Variants in NUBPL observed in about 807,000 individuals in gnomAD.
NUBPL encodes the protein iron-sulfur cluster transfer protein NUBPL.
Under a neutral mutation model 45.7 loss-of-function variants are expected in NUBPL, and 31 were observed. The ratio of observed to expected loss-of-function variants is 0.68; its 90% CI spans 0.51 to 0.92. The LOEUF (loss-of-function observed/expected upper bound fraction) is 0.92. Among genes scored for constraint, NUBPL ranks in the 40% least tolerant of loss-of-function variants. NUBPL has a pLI of 0.00. For synonymous variants in NUBPL, 144 were observed against 140.9 expected (o/e 1.02, Z -0.15); for missense variants, 401 against 398.7 (o/e 1.01, Z -0.05).
intron 7 of NUBPL, among the ~76,000 whole-genome samples, chr14:31,812,016 G>C (rs1219757667): frequency 3.3e-5 from 5 of 152,158 alleles, no homozygotes; most frequent in Admixed American, 6.5e-5. Context: ...TGGAAGCTTC[G>C]TCTCAGAGGG....
chr14:31,646,096 T>C (rs2035844050), intron 4 of NUBPL, among the ~76,000 whole-genome samples: 1 of 152,156 alleles, frequency 6.6e-6, no homozygotes, highest in Non-Finnish European at 1.5e-5. Flanking sequence ...TCATTCTTTG[T>C]CTGGGAAAGA....
chr14:31,839,668 A>G (rs963387779), intron 8 of NUBPL, among the ~76,000 whole-genome samples: 14 of 152,248 alleles, frequency 9.2e-5, no homozygotes, highest in African/African-American at 3.4e-4. Context: ...GACTACTTAC[A>G]GAATGAGAGA....
intron 6 of NUBPL, among the ~76,000 whole-genome samples, chr14:31,729,286 C>CCA (rs1555332402): frequency 6.8e-6 from 1 of 146,376 alleles, no homozygotes; most frequent in African/African-American, 2.6e-5. Flanking sequence ...CCCCCCCCCC[C>CCA]CCAAAAAAAA....
intron 7 of NUBPL, among the ~76,000 whole-genome samples, chr14:31,823,614 T>C (rs943288115): frequency 1.3e-5 from 2 of 152,088 alleles, no homozygotes; most frequent in African/African-American, 4.8e-5. Flanking sequence ...AAGCTATTTA[T>C]AGTTAAGATG....
At chr14:31,782,672 C>T (rs753910295) in intron 6 of NUBPL, among the ~76,000 whole-genome samples, 2 of 151,536 alleles carry the variant, frequency 1.3e-5, no homozygotes, top group Non-Finnish European at 2.9e-5. Context: ...GGGCACCTGT[C>T]ATCCCAGCTA....
chr14:31,660,167 T>A (rs2036234469), intron 4 of NUBPL, among the ~76,000 whole-genome samples: 2 of 152,218 alleles, frequency 1.3e-5, no homozygotes, highest in African/African-American at 2.4e-5. Flanking sequence ...GCCTTTTGGT[T>A]GTCCAGGTTG....
chr14:31,649,112 A>C (rs2035934550), intron 4 of NUBPL, among the ~76,000 whole-genome samples: 1 of 152,140 alleles, frequency 6.6e-6, no homozygotes, highest in African/African-American at 2.4e-5. Flanking sequence ...CCTGGCCCCA[A>C]GTTTTGTTTT....
At chr14:31,809,988 G>C (rs1403278816) in intron 7 of NUBPL, among the ~76,000 whole-genome samples, 2 of 152,198 alleles carry the variant, frequency 1.3e-5, no homozygotes, top group Non-Finnish European at 2.9e-5. Flanking sequence ...TAGATAGTTT[G>C]TTGTGATTTC....
chr14:31,714,241 T>C (rs1190648031), intron 6 of NUBPL, among the ~76,000 whole-genome samples: 1 of 152,152 alleles, frequency 6.6e-6, no homozygotes, highest in African/African-American at 2.4e-5. Flanking sequence ...ATGATCAACT[T>C]GGCAGTGGTA....
Position 31,856,884 on chromosome 14 carries a change from G to C in NUBPL, c.898-2234G>C, listed in dbSNP as rs575981676. On this transcript the variant is annotated intron_variant, in intron 10 of 10. Transcript: ENST00000281081. ...CATGGTTTGGCGTTGAGTTTCTGCA[G>C]CTTTTTCAGGCACACTGTACAAGTT... is the stretch of plus-strand genomic sequence containing the variant. Among the ~76,000 whole-genome samples, 41 of 152,276 alleles carry C rather than the reference G, an allele frequency of 2.7e-4. No homozygotes were observed. In the South Asian group the frequency reaches 3.5e-3, roughly 13 times the overall value.
At chr14:31,622,374 G>A (rs192697679) in intron 4 of NUBPL, among the ~76,000 whole-genome samples, 3 of 152,016 alleles carry the variant, frequency 2.0e-5, no homozygotes, top group Admixed American at 1.3e-4. Context: ...TCGTTTTTTT[G>A]GGGGGAGAAA....
intron 4 of NUBPL, among the ~76,000 whole-genome samples, chr14:31,599,621 A>G (rs1284469222): frequency 6.6e-6 from 1 of 152,236 alleles, no homozygotes; most frequent in Non-Finnish European, 1.5e-5. Context: ...ACTTCTAAAT[A>G]AAGACTCAAA....
At chr14:31,783,501 C>G (rs1451613969) in intron 6 of NUBPL, among the ~76,000 whole-genome samples, 1 of 150,498 alleles carries the variant, frequency 6.6e-6, no homozygotes, top group African/African-American at 2.4e-5. Flanking sequence ...TTCCTTGGAA[C>G]CTTAATAGCA....
intron 3 of NUBPL, among the ~76,000 whole-genome samples, chr14:31,596,083 T>C (rs764717179): frequency 6.6e-6 from 1 of 152,040 alleles, no homozygotes; most frequent in Non-Finnish European, 1.5e-5. Flanking sequence ...ATTTTTTGTA[T>C]TTTTAGTAGA....
intron 6 of NUBPL, among the ~76,000 whole-genome samples, chr14:31,741,662 G>A (rs909512037): frequency 6.6e-6 from 1 of 152,096 alleles, no homozygotes; most frequent in Non-Finnish European, 1.5e-5. Context: ...TCCTCCTAGA[G>A]TTTTTGACCC....
chr14:31,590,053 C>CAT (rs745373716), intron 3 of NUBPL, among the ~76,000 whole-genome samples: 42 of 152,256 alleles, frequency 2.8e-4, no homozygotes, highest in Non-Finnish European at 5.3e-4. Flanking sequence ...TTATGTGTAA[C>CAT]ATACAGGTGG....
intron 6 of NUBPL, among the ~76,000 whole-genome samples, chr14:31,680,109 T>A (rs1394671359): frequency 6.6e-6 from 1 of 152,190 alleles, no homozygotes; most frequent in Non-Finnish European, 1.5e-5. Flanking sequence ...CTTTGCTAAA[T>A]TTTAATAATC....
chr14:31,584,921 A>G (rs907732056), intron 3 of NUBPL, among the ~76,000 whole-genome samples: 2 of 152,138 alleles, frequency 1.3e-5, no homozygotes, highest in African/African-American at 4.8e-5. Flanking sequence ...CTCTTTTATA[A>G]TGACTCTAAT....
chr14:31,625,657 G>A (rs2035187338), intron 4 of NUBPL, among the ~76,000 whole-genome samples: 1 of 151,810 alleles, frequency 6.6e-6, no homozygotes, highest in African/African-American at 2.4e-5. Context: ...TGTATTTTTA[G>A]TAGAGACAGG....
Sources: allele counts gnomAD v4.1 joint callset (sites outside exome capture counted in the v4.1 genomes callset), GRCh38; gene constraint gnomAD v4.1.1; transcripts MANE v1.5; gene names NCBI Gene and HGNC (gene_info 2026-07-23, HGNC 2026-07-21).